TEAD1: variants seen among roughly 807,000 people sequenced by gnomAD.
TEAD1 encodes TEA domain transcription factor 1, also known as transcriptional enhancer factor TEF-1.
A neutral mutation model predicts 54.9 loss-of-function variants in TEAD1; 9 were observed. The ratio of observed to expected loss-of-function variants is 0.16; its 90% CI spans 0.10 to 0.29. The LOEUF is 0.29. Among genes scored for constraint, TEAD1 ranks in the 10% least tolerant of loss-of-function variants. The pLI, the probability that TEAD1 is intolerant of heterozygous loss-of-function variation, is 1.00. For synonymous variants in TEAD1, 200 were observed against 187.8 expected (o/e 1.07, Z -0.53); for missense variants, 387 against 535.9 (o/e 0.72, Z 2.74).
chr11:12,845,011 G>C (rs1161320089), intron 3 of TEAD1, among the ~76,000 whole-genome samples: 1 of 125,602 alleles, frequency 8.0e-6, no homozygotes, highest in Non-Finnish European at 1.6e-5. Context: ...TGTCGCCCAG[G>C]CTAAAGTGCA....
At chr11:12,732,870 A>C (rs1188927244) in intron 2 of TEAD1, among the ~76,000 whole-genome samples, 2 of 152,244 alleles carry the variant, frequency 1.3e-5, no homozygotes, top group Non-Finnish European at 2.9e-5. Flanking sequence ...GAGATATAGA[A>C]AAAAGATTAC....
chr11:12,798,317 C>G (rs1245558507), intron 3 of TEAD1, among the ~76,000 whole-genome samples: 1 of 152,148 alleles, frequency 6.6e-6, no homozygotes, highest in East Asian at 1.9e-4. Context: ...CTCTCTCTTT[C>G]CTTTTGACTG....
chr11:12,858,306 A>G (rs945382671), intron 3 of TEAD1, among the ~76,000 whole-genome samples: 10 of 152,198 alleles, frequency 6.6e-5, no homozygotes, highest in African/African-American at 2.4e-4. Context: ...TTAAACATAT[A>G]AAATTTTAGT....
intron 3 of TEAD1, among the ~76,000 whole-genome samples, chr11:12,851,351 T>C (rs1344918953): frequency 6.6e-6 from 1 of 151,642 alleles, no homozygotes; most frequent in South Asian, 2.1e-4. Context: ...TAGACACTTT[T>C]AGGAGGATTT....
rs547450972 is a variant in TEAD1, at chr11:12,853,807, G to A, written c.203-8443G>A. ...TCACATGATAATGTTATCAGCTGCC[G>A]TTGACTGATACAAACTCCTGAGAAG... is the stretch of plus-strand genomic sequence containing the variant. On this transcript the variant is annotated intron_variant, in intron 3 of 12. Transcript: ENST00000527636. 1.1e-3 allele frequency among the ~76,000 whole-genome samples: 163 copies of A among 152,296 alleles called. 2 individuals are homozygous for A. Among genetic ancestry groups the A allele is most frequent in the South Asian group, 2.1e-3 (10 of 4,824 alleles).
intron 2 of TEAD1, among the ~76,000 whole-genome samples, chr11:12,750,501 T>G (rs546385826): frequency 1.3e-5 from 2 of 152,350 alleles, no homozygotes; most frequent in South Asian, 4.1e-4. Context: ...AAAGTTCAGA[T>G]TCCAGATATA....
chr11:12,713,870 T>C (rs1943997066), intron 2 of TEAD1, among the ~76,000 whole-genome samples: 1 of 152,162 alleles, frequency 6.6e-6, no homozygotes, highest in African/African-American at 2.4e-5. Flanking sequence ...CATACTAATG[T>C]CCCAATATAT....
chr11:12,825,919 A>T (rs1361549267), intron 3 of TEAD1, among the ~76,000 whole-genome samples: 2 of 152,356 alleles, frequency 1.3e-5, no homozygotes, highest in East Asian at 1.9e-4. Context: ...AAAGCAATTC[A>T]ATTCAATAGT....
intron 5 of TEAD1, among the ~76,000 whole-genome samples, chr11:12,872,056 C>A (rs1443483124): frequency 6.6e-6 from 1 of 152,214 alleles, no homozygotes; most frequent in Non-Finnish European, 1.5e-5. Flanking sequence ...ACAGGCCATT[C>A]TTTCCAAACT....
chr11:12,760,353 C>T (rs1945075265), intron 2 of TEAD1, among the ~76,000 whole-genome samples: 1 of 152,134 alleles, frequency 6.6e-6, no homozygotes, highest in South Asian at 2.1e-4. Context: ...AAATGAAAAC[C>T]TGAGCTTCTG....
chr11:12,872,234 C>G (rs1947762631), intron 5 of TEAD1, among the ~76,000 whole-genome samples: 1 of 152,194 alleles, frequency 6.6e-6, no homozygotes, highest in African/African-American at 2.4e-5. Flanking sequence ...GGTAGACGTA[C>G]TTCACTTCAC....
At chr11:12,826,205 G>A (rs981206414) in intron 3 of TEAD1, among the ~76,000 whole-genome samples, 1 of 152,210 alleles carries the variant, frequency 6.6e-6, no homozygotes, top group African/African-American at 2.4e-5. Flanking sequence ...TGGGTGAAAA[G>A]TGAGCACATT....
At chr11:12,798,400 A>G (rs1433003889) in intron 3 of TEAD1, among the ~76,000 whole-genome samples, 9 of 152,132 alleles carry the variant, frequency 5.9e-5, no homozygotes. Context: ...TTTAACGTAT[A>G]ATGTGCTGGT....
chr11:12,908,896 T>TTTTTTTTTTTTA (rs1948569869), intron 10 of TEAD1, among the ~76,000 whole-genome samples: 3 of 136,020 alleles, frequency 2.2e-5, no homozygotes, highest in African/African-American at 7.6e-5. Context: ...TTTTTTTTTT[T>TTTTTTTTTTTTA]GAGACAGTGT....
intron 2 of TEAD1, among the ~76,000 whole-genome samples, chr11:12,740,750 C>T (rs189463149): frequency 3.3e-5 from 5 of 152,208 alleles, no homozygotes; most frequent in East Asian, 1.9e-4. Context: ...AGTTGCCTCC[C>T]ACCAGGTCAC....
Position 12,879,838 on chromosome 11 carries a change from C to T in TEAD1, c.461C>T (p.Pro154Leu), listed in dbSNP as rs140390128. The T allele has an allele frequency of 1.2e-5, 19 of 1,613,158 alleles. No individual in the cohort carries two copies. In the Admixed American group the frequency reaches 1.3e-4, roughly 11 times the overall value. ...CCACGCCCGACCTTCCCAGGGGCGCCGGGGGTAAGTCATGAGCTCAGTCCA... is the reference window on the plus strand; with the variant it reads ...CCACGCCCGACCTTCCCAGGGGCGCTGGGGGTAAGTCATGAGCTCAGTCCA... The change falls in exon 6 of 13, where the codon CCG becomes CTG. Residue 154 changes from proline to leucine, a missense_variant. Physicochemically the swap from Pro to Leu is moderately conservative, Grantham distance 98. Around this residue, in one of 5 missense-constraint regions of TEAD1, gnomAD observed 180 missense variants for 180.6 expected, o/e 1.00. Transcript: ENST00000527636.
At chr11:12,681,746 GCTGT>G (rs1266344745) in intron 2 of TEAD1, among the ~76,000 whole-genome samples, 1 of 152,250 alleles carries the variant, frequency 6.6e-6, no homozygotes, top group Non-Finnish European at 1.5e-5. Flanking sequence ...CTAGGGCGAG[GCTGT>G]CTGCCCCGCT....
intron 9 of TEAD1, among the ~76,000 whole-genome samples, chr11:12,890,259 A>G (rs968344758): frequency 6.6e-6 from 1 of 152,222 alleles, no homozygotes; most frequent in African/African-American, 2.4e-5. Flanking sequence ...TTCAAAAGTT[A>G]AAAACAGCTG....
chr11:12,912,265 G>A (rs1310805490), intron 10 of TEAD1, among the ~76,000 whole-genome samples: 1 of 152,202 alleles, frequency 6.6e-6, no homozygotes, highest in Non-Finnish European at 1.5e-5. Flanking sequence ...AGGGTCTGGT[G>A]AGGGATGGCA....
Sources: gnomAD v4.1 joint callset for allele counts (sites outside exome capture counted in the v4.1 genomes callset) on GRCh38, gnomAD v4.1.1 for gene constraint, gnomAD v4.1.1 regional missense constraint, MANE v1.5 for transcripts, NCBI Gene and HGNC (gene_info 2026-07-23, HGNC 2026-07-21) for gene names.